The following IQSEC1 variants were observed in gnomAD, a reference collection of about 807,000 sequenced individuals.
IQSEC1 encodes IQ motif and Sec7 domain ArfGEF 1.
In IQSEC1, 31 loss-of-function variants were observed where a neutral mutation model predicts 91.0. That is an observed-to-expected ratio of 0.34 (90% CI 0.26 to 0.46). The LOEUF (loss-of-function observed/expected upper bound fraction) is 0.46. IQSEC1 is among the 20% of genes least tolerant of loss of function. The probability of loss-of-function intolerance (pLI) is 1.00; values close to 1 mark genes in which losing one functional copy is unlikely to be tolerated. For synonymous variants in IQSEC1, 699 were observed against 662.6 expected, an observed-to-expected ratio of 1.05 and a Z score of -0.84; for missense variants, 1,388 against 1,575.6, an observed-to-expected ratio of 0.88 and a Z score of 2.02.
At position 13,088,520 on chromosome 3, in the gene IQSEC1, C is replaced by T. The variant is rs1254102486; in HGVS notation, c.303-40998G>A. 2.0e-5 allele frequency among the ~76,000 whole-genome samples: 3 copies of T among 151,998 alleles called. No homozygotes were observed. The East Asian group carries it at 5.8e-4, about 29-fold the overall frequency. ...CCTCCCTGGTTCCTGTCGCCCTCCC[C>T]GCTCCTCTGAATGGCCTTAGTACCC... On this transcript the variant is annotated intron_variant, in intron 2 of 15. Transcript: ENST00000648114.
At chr3:13,117,400 C>T (rs1457465879) in intron 2 of IQSEC1, among the ~76,000 whole-genome samples, 1 of 150,380 alleles carries the variant, frequency 6.6e-6, no homozygotes, top group African/African-American at 2.5e-5. Flanking sequence ...TCCTGGCCAA[C>T]ATGGTGAAAC....
rs1385424802 is a variant in IQSEC1, at chr3:12,917,296, T to G, written c.2021-1563A>C. ...AGATTGGGGTCCACTCCAGATGCTG[T>G]GATTCTGTGGGTTTGGGCAAACGTA... is the stretch of plus-strand genomic sequence containing the variant. On this transcript the variant is annotated intron_variant, in intron 6 of 13. Coordinates refer to ENST00000613206, the MANE Select transcript of IQSEC1 (RefSeq NM_001134382.3). Among the ~76,000 whole-genome samples the G allele has an allele frequency of 2.6e-5, 4 of 152,306 alleles. No homozygotes were observed. The East Asian group carries it at 5.8e-4, about 22-fold the overall frequency.
chr3:13,276,782 A>G (rs1695690086), intron 1 of IQSEC1, among the ~76,000 whole-genome samples: 1 of 152,188 alleles, frequency 6.6e-6, no homozygotes, highest in African/African-American at 2.4e-5. Context: ...TCCTGCTGGA[A>G]TATCCACCCC....
In IQSEC1 at chr3:12,941,693, G is replaced by A. The variant is rs142179028; in HGVS notation, c.196C>T (p.Arg66Trp). Reference sequence around the variant, plus strand: ...GTCGAGTGCTGCAGCTTGGGCCTCCGCGTGCGCTGCTGTTGCCCCGGCGGC... The same window carrying A: ...GTCGAGTGCTGCAGCTTGGGCCTCCACGTGCGCTGCTGTTGCCCCGGCGGC... Reference protein sequence around the residue: ...SGPPGQQQRTRRPKLQHSTSI... With the variant: ...SGPPGQQQRTWRPKLQHSTSI... The change falls in exon 2 of 14, where the codon CGG becomes TGG. Residue 66 changes from arginine (R) to tryptophan (W), a missense_variant. By Grantham distance (101) the Arg-to-Trp change is moderately radical. Around this residue, in one of 2 missense-constraint regions of IQSEC1, gnomAD observed 1,059 missense variants for 1,317.8 expected, o/e 0.80. Transcript: ENST00000613206. The A allele has an allele frequency of 5.9e-4, 950 of 1,612,808 alleles. 1 individual carries two copies. Among genetic ancestry groups the A allele is most frequent in the Non-Finnish European group, 7.5e-4 (889 of 1,179,948 alleles).
rs1695217850 is a variant in IQSEC1, at chr3:12,908,418, T to G, written c.2686A>C (p.Ser896Arg). 6.2e-7 allele frequency: 1 copy of G among 1,613,220 alleles called. No homozygotes were observed. The highest frequency in any genetic ancestry group is 1.3e-5 in the African/African-American group (1 of 74,928). Residue 896 changes from serine (S) to arginine (R), a missense_variant, in exon 12 of 14, where the codon AGC becomes CGC. Ser to Arg is a moderately radical substitution (Grantham distance 110). Transcript: ENST00000613206. The surrounding 1 kb of genome is among the most constrained non-coding windows in gnomAD (Gnocchi z 4.9). ...TTGAGGCCCTCACCGCTGGCATAGC[T>G]GTCGTCCAGGCAGGCCCGGCTCAGT... Reference protein sequence around the residue: ...GTLSRACLDDSYASGEGLKRS... With the variant: ...GTLSRACLDDRYASGEGLKRS...
intron 1 of IQSEC1, among the ~76,000 whole-genome samples, chr3:13,252,729 T>TC (rs2125118427): frequency 8.5e-6 from 1 of 117,598 alleles, no homozygotes; most frequent in African/African-American, 5.2e-5. Flanking sequence ...TTTTTTTTTG[T>TC]TTTTGTTTGT....
chr3:13,203,610 A>ATGCT (rs1157537658), intron 1 of IQSEC1, among the ~76,000 whole-genome samples: 1 of 152,022 alleles, frequency 6.6e-6, no homozygotes, highest in Admixed American at 6.6e-5. Context: ...GAATCAGCAA[A>ATGCT]CCCCACCAGC....
At chr3:13,055,753 G>A (rs1198964849) in intron 1 of IQSEC1, among the ~76,000 whole-genome samples, 2 of 152,222 alleles carry the variant, frequency 1.3e-5, no homozygotes, top group Non-Finnish European at 2.9e-5. Flanking sequence ...CGATCACTGG[G>A]CCAAGGTCAC....
intron 1 of IQSEC1, among the ~76,000 whole-genome samples, chr3:13,252,730 TTTTG>T (rs371756149): frequency 6.6e-6 from 1 of 150,844 alleles, no homozygotes; most frequent in Non-Finnish European, 1.5e-5. Flanking sequence ...TTTTTTTTGT[TTTTG>T]TTTGTTTGTT....
At chr3:13,132,892 C>T (rs1043912673) in intron 2 of IQSEC1, among the ~76,000 whole-genome samples, 2 of 152,226 alleles carry the variant, frequency 1.3e-5, no homozygotes, top group African/African-American at 2.4e-5. Flanking sequence ...GTATCTCCCC[C>T]ACCACAACCC....
At chr3:13,280,032 A>G (rs564960750) in intron 1 of IQSEC1, among the ~76,000 whole-genome samples, 1 of 152,328 alleles carries the variant, frequency 6.6e-6, no homozygotes, top group South Asian at 2.1e-4. Flanking sequence ...CTTACTGTAT[A>G]CCAGTTTCCT....
chr3:13,130,116 C>T (rs1224015642), intron 2 of IQSEC1, among the ~76,000 whole-genome samples: 3 of 150,046 alleles, frequency 2.0e-5, no homozygotes, highest in Admixed American at 6.7e-5. Context: ...GAGGCCGAGG[C>T]GGGAGGATTA....
intron 1 of IQSEC1, among the ~76,000 whole-genome samples, chr3:13,182,000 TTTATATGTTTAGTGAA>T (rs1693851882): frequency 6.6e-6 from 1 of 152,150 alleles, no homozygotes; most frequent in Non-Finnish European, 1.5e-5. Context: ...TCAATAAACA[TTTATATGTTTAGTGAA>T]TGTATTTCTC....
At chr3:13,101,419 C>CAAAAAA (rs5846799) in intron 2 of IQSEC1, among the ~76,000 whole-genome samples, 10 of 119,504 alleles carry the variant, frequency 8.4e-5, no homozygotes, top group African/African-American at 2.0e-4. Flanking sequence ...ATTCCATCTC[C>CAAAAAA]AAAAAAAAAA....
At chr3:13,176,967 T>C (rs1288816566) in intron 1 of IQSEC1, among the ~76,000 whole-genome samples, 1 of 152,228 alleles carries the variant, frequency 6.6e-6, no homozygotes, top group Non-Finnish European at 1.5e-5. Flanking sequence ...ACATACTGCA[T>C]TGATTCCATT....
rs1696907090 is a variant in IQSEC1, at chr3:12,924,210, T to G, written c.1730+371A>C. Among the ~76,000 whole-genome samples the G allele has an allele frequency of 6.6e-6, 1 of 152,170 alleles. No individual in the cohort carries two copies. The highest frequency in any genetic ancestry group is 1.9e-4 in the East Asian group (1 of 5,190). ...GCCCTGACGTCCAGCTGCCTGCTCC[T>G]GCCAGCCCTGCCATGAGAAGCTGCA... On this transcript the variant is annotated intron_variant, in intron 4 of 13. Transcript: ENST00000613206. This position sits in a 1 kb window ranked among gnomAD's most constrained non-coding sequence, Gnocchi z 6.3.
chr3:13,194,205 T>C (rs1694085492), intron 1 of IQSEC1, among the ~76,000 whole-genome samples: 1 of 152,002 alleles, frequency 6.6e-6, no homozygotes, highest in African/African-American at 2.4e-5. Context: ...CTTCAGCCTA[T>C]GAATTTGGGG....
chr3:12,981,355 G>T (rs1272547163), intron 1 of IQSEC1, among the ~76,000 whole-genome samples: 1 of 152,198 alleles, frequency 6.6e-6, no homozygotes, highest in Non-Finnish European at 1.5e-5. Context: ...TGCCACATTT[G>T]TGTTTAAAAA....
Position 12,902,781 on chromosome 3 carries a change from T to G in IQSEC1, c.2797A>C (p.Asn933His), listed in dbSNP as rs779603962. ...AGGCGCTTCCTACTTACTTCCACAT[T>G]GCTCTCTAGCGATCCCGCACTGCTG... is the stretch of plus-strand genomic sequence containing the variant. ...RRSSAGSLES[N>H]VEGSIISSPH... The change falls in exon 13 of 14, where the codon AAT (asparagine) becomes CAT (histidine). Residue 933 changes from asparagine (N) to histidine (H), a missense_variant. Physicochemically the swap from Asn to His is moderately conservative, Grantham distance 68 (BLOSUM62 1). Transcript: ENST00000613206. 3 of 1,610,606 alleles carry G rather than the reference T, an allele frequency of 1.9e-6. No individual in the cohort carries two copies. The highest frequency in any genetic ancestry group is 4.5e-5 in the East Asian group (2 of 44,774).
Sources: gnomAD v4.1 joint callset for allele counts (sites outside exome capture counted in the v4.1 genomes callset) on GRCh38, gnomAD v4.1.1 for gene constraint, gnomAD v4.1.1 regional missense constraint, Gnocchi (gnomAD v3.1) non-coding constraint, MANE v1.5 for transcripts, NCBI Gene and HGNC (gene_info 2026-07-23, HGNC 2026-07-21) for gene names.